Variants in SEC11C observed in about 807,000 individuals in gnomAD.
SEC11C encodes the protein signal peptidase complex catalytic subunit SEC11C.
A neutral mutation model predicts 21.9 loss-of-function variants in SEC11C; 10 were observed. That is an observed-to-expected ratio of 0.46 (90% CI 0.28 to 0.77). SEC11C has a LOEUF of 0.77. Ranked by LOEUF, SEC11C falls within the 30% of genes least tolerant of loss-of-function variation. The pLI is 0.12. For missense variants in SEC11C, 145 were observed against 244.5 expected, an observed-to-expected ratio of 0.59 and a Z score of 2.71; for synonymous variants, 83 against 85.6, an observed-to-expected ratio of 0.97 and a Z score of 0.17.
chr18:59,141,676 TTCTC>T (rs2069212302), intron 1 of SEC11C, among the ~76,000 whole-genome samples: 1 of 152,242 alleles, frequency 6.6e-6, no homozygotes. Context: ...TTTTTTTTTT[TTCTC>T]TTCTTCCCTC....
intron 1 of SEC11C, among the ~76,000 whole-genome samples, chr18:59,148,854 A>G (rs1467138584): frequency 3.3e-5 from 5 of 151,924 alleles, no homozygotes; most frequent in Non-Finnish European, 7.4e-5. Flanking sequence ...TAACCTTGTG[A>G]TCCACCCGCC....
chr18:59,156,624 T>C (rs1234985196), intron 4 of SEC11C: 1 of 152,230 alleles, frequency 6.6e-6, no homozygotes, highest in Non-Finnish European at 1.5e-5. Flanking sequence ...AGAGAATGTA[T>C]CCTCATTAAA....
intron 1 of SEC11C, among the ~76,000 whole-genome samples, chr18:59,141,592 T>C (rs982955743): frequency 6.6e-6 from 1 of 152,240 alleles, no homozygotes; most frequent in African/African-American, 2.4e-5. Context: ...ATTGCCTGTT[T>C]TGCTAGTCTT....
At chr18:59,147,260 C>T (rs763915057) in intron 1 of SEC11C, 12 of 152,146 alleles carry the variant, frequency 7.9e-5, no homozygotes, top group Non-Finnish European at 1.2e-4. Flanking sequence ...TTCATACCAC[C>T]ACATTCCATC....
At chr18:59,148,803 G>A (rs2069311840) in intron 1 of SEC11C, among the ~76,000 whole-genome samples, 1 of 152,094 alleles carries the variant, frequency 6.6e-6, no homozygotes, top group Non-Finnish European at 1.5e-5. Context: ...TTTTTTAGTA[G>A]AGACGGGGTT....
At chr18:59,145,863 T>C (rs2069268539) in intron 1 of SEC11C, among the ~76,000 whole-genome samples, 1 of 152,230 alleles carries the variant, frequency 6.6e-6, no homozygotes, top group South Asian at 2.1e-4. Context: ...TCGCCTGCAG[T>C]ATTCAGTACA....
intron 1 of SEC11C, 74 bp downstream of exon 1, chr18:59,140,109 A>G: frequency 1.5e-6 from 2 of 1,315,342 alleles, no homozygotes; most frequent in African/African-American, 1.5e-5. Context: ...CTTCCCAGTC[A>G]GGGCTCCGGC....
intron 3 of SEC11C, among the ~76,000 whole-genome samples, chr18:59,155,186 T>C (rs898733910): frequency 6.6e-6 from 1 of 152,266 alleles, no homozygotes; most frequent in Non-Finnish European, 1.5e-5. Context: ...TGACCTATTC[T>C]GACTTGAGGT....
rs768178932 is a variant in SEC11C, at chr18:59,149,568, G to A, written c.143G>A (p.Trp48Ter). Residue 48 changes from tryptophan (W) to a stop codon, truncating the protein, a stop_gained, in exon 2 of 6, where the codon TGG becomes TAG. Coordinates refer to ENST00000587834, the MANE Select transcript of SEC11C (RefSeq NM_033280.4). LOFTEE classifies it high-confidence loss of function. Reference protein sequence around the residue: ...AMIVSSALMIWKGLIVLTGSE... With the variant: ...AMIVSSALMI ...ATCGTGTCTTCTGCACTCATGATAT[G>A]GAAAGGCTTGATCGTGCTCACAGGC... is the stretch of plus-strand genomic sequence containing the variant. 6.2e-7 allele frequency: 1 copy of A among 1,613,254 alleles called. No homozygotes were observed. Among genetic ancestry groups the A allele is most frequent in the Non-Finnish European group, 8.5e-7 (1 of 1,179,334 alleles).
At chr18:59,143,462 A>T (rs1603376401) in intron 1 of SEC11C, among the ~76,000 whole-genome samples, 1 of 151,812 alleles carries the variant, frequency 6.6e-6, no homozygotes, top group East Asian at 1.9e-4. Context: ...TAATTCATTT[A>T]TGTCCTCACT....
intron 2 of SEC11C, among the ~76,000 whole-genome samples, chr18:59,151,050 TTTGGGGGAA>T (rs2069346324): frequency 1.3e-5 from 2 of 152,196 alleles, no homozygotes; most frequent in Non-Finnish European, 2.9e-5. Flanking sequence ...ATGTGTGGTT[TTTGGGGGAA>T]TCTGGCCCAT....
At chr18:59,143,789 C>G (rs1457544680) in intron 1 of SEC11C, among the ~76,000 whole-genome samples, 1 of 152,094 alleles carries the variant, frequency 6.6e-6, no homozygotes. Flanking sequence ...ACCCAACCCG[C>G]TTTCTCCTCC....
At chr18:59,149,056 A>G (rs1157887211) in intron 1 of SEC11C, among the ~76,000 whole-genome samples, 1 of 152,260 alleles carries the variant, frequency 6.6e-6, no homozygotes, top group Non-Finnish European at 1.5e-5. Context: ...GCCAAGCACT[A>G]TAGGACTCCA....
In SEC11C at chr18:59,143,228, C is replaced by A. The variant is rs559379427; in HGVS notation, c.87+3193C>A. Among the ~76,000 whole-genome samples, 4 of 151,994 alleles carry A rather than the reference C, an allele frequency of 2.6e-5. No individual in the cohort carries two copies. The South Asian group carries it at 8.3e-4, about 32-fold the overall frequency. On this transcript the variant is annotated intron_variant, in intron 1 of 5. Transcript: ENST00000587834. ...ATTAGCCGGGTGTGGTGGTGCACAC[C>A]TGTTATCCCAGCTACTCGGCAGGCT...
chr18:59,155,933 T>G, intron 4 of SEC11C, 126 bp downstream of exon 4: 1 of 1,126,380 alleles, frequency 8.9e-7, no homozygotes, highest in South Asian at 1.4e-5. Context: ...TAAGCAGTTC[T>G]AGTTTATCCT....
chr18:59,155,612 CT>C, intron 3 of SEC11C, 75 bp from the exon 4 acceptor site: 1 of 1,497,100 alleles, frequency 6.7e-7, no homozygotes, highest in East Asian at 2.3e-5. Context: ...ACAGTAAAGT[CT>C]TGAGTAAACT....
intron 3 of SEC11C, among the ~76,000 whole-genome samples, chr18:59,153,585 C>T (rs2069384228): frequency 6.6e-6 from 1 of 152,176 alleles, no homozygotes; most frequent in South Asian, 2.1e-4. Context: ...GAGTCTCACG[C>T]TGTCACCTAC....
In SEC11C at chr18:59,152,723, A is replaced by C. The variant is rs749486528; in HGVS notation, c.347+38A>C. 2.6e-6 allele frequency: 4 copies of C among 1,540,268 alleles called. No individual in the cohort carries two copies. The Admixed American group carries it at 8.3e-5, about 32-fold the overall frequency. On this transcript the variant is annotated intron_variant, in intron 3 of 5. Coordinates refer to ENST00000587834, the MANE Select transcript of SEC11C (RefSeq NM_033280.4). The stretch of plus-strand genomic sequence containing the variant: ...TATTTCCTTTTGGTTTTGTTATGTA[A>C]ATTTTTGGTAGATTCATGGCTAATT...
In SEC11C at chr18:59,152,868, A is replaced by G. The variant is rs3760556; in HGVS notation, c.347+183A>G. The G allele has an allele frequency of 2.6e-3, 1,294 of 488,726 alleles. 31 individuals are homozygous for G. The East Asian group carries it at 0.037, about 14-fold the overall frequency. The allele number at this position is 488,726 out of a possible 1,614,324, so 30.3% of individuals were successfully genotyped here. A position where few individuals can be genotyped will look rare whatever the true frequency, so the allele number is the denominator to read the frequency against. On this transcript the variant is annotated intron_variant, in intron 3 of 5. Transcript: ENST00000587834. ...GAGTTGTAGTAGTTAAACCCATAGT[A>G]ACTCACAAAGTGATTATGAGAATTA...
Sources: gnomAD v4.1 joint callset for allele counts (sites outside exome capture counted in the v4.1 genomes callset) on GRCh38, gnomAD v4.1.1 for gene constraint, MANE v1.5 for transcripts, NCBI Gene and HGNC (gene_info 2026-07-23, HGNC 2026-07-21) for gene names.